Variants in PHTF2 observed in about 807,000 individuals in gnomAD.
The protein encoded by PHTF2 is putative homeodomain transcription factor 2, also known as protein PHTF2.
In PHTF2, 60 loss-of-function variants were observed where a neutral mutation model predicts 101.2. The observed-to-expected ratio is 0.59, with a 90% CI of 0.48 to 0.73. PHTF2 has a LOEUF of 0.73. PHTF2 is among the 30% of genes least tolerant of loss of function. The pLI is 0.00. For synonymous variants in PHTF2, 311 were observed against 307.3 expected (o/e 1.01, Z -0.13); for missense variants, 747 against 908.7 (o/e 0.82, Z 2.29).
intron 2 of PHTF2, among the ~76,000 whole-genome samples, chr7:77,841,082 T>TTTTTTTTTG (rs1795839385): frequency 7.4e-6 from 1 of 135,310 alleles, no homozygotes; most frequent in South Asian, 2.4e-4. Context: ...AGACTTTTTT[T>TTTTTTTTTG]TTTTTTTTTT....
intron 8 of PHTF2, chr7:77,909,403 C>G (rs1463721999): frequency 6.6e-6 from 1 of 152,490 alleles, no homozygotes. Context: ...CAGGGTCTCA[C>G]TGTCTCCGTC....
exon 20 of PHTF2, chr7:77,956,243 C>G (rs1806984203): frequency 6.6e-6 from 1 of 152,330 alleles, no homozygotes; most frequent in Non-Finnish European, 1.5e-5. Flanking sequence ...GTGGAATATC[C>G]TCATATTTTT....
At chr7:77,818,078 C>T (rs1007816824) in intron 1 of PHTF2, among the ~76,000 whole-genome samples, 2 of 148,802 alleles carry the variant, frequency 1.3e-5, no homozygotes, top group Non-Finnish European at 3.0e-5. Flanking sequence ...CTACTGTACT[C>T]TAGTCTGGGC....
chr7:77,919,043 C>T (rs1362497669), intron 9 of PHTF2, among the ~76,000 whole-genome samples: 1 of 152,108 alleles, frequency 6.6e-6, no homozygotes, highest in Non-Finnish European at 1.5e-5. Context: ...GGCAGTTTCC[C>T]AGAGAGTAGG....
intron 1 of PHTF2, among the ~76,000 whole-genome samples, chr7:77,810,538 C>T (rs1315194032): frequency 6.6e-6 from 1 of 152,076 alleles, no homozygotes; most frequent in Non-Finnish European, 1.5e-5. Context: ...AGTGACCTCC[C>T]ATTTTTTTTC....
At chr7:77,911,745 A>G (rs1802418843) in intron 9 of PHTF2, among the ~76,000 whole-genome samples, 1 of 152,222 alleles carries the variant, frequency 6.6e-6, no homozygotes, top group East Asian at 1.9e-4. Flanking sequence ...GCATTAAGTG[A>G]AAATCCTTTC....
At chr7:77,894,798 T>C (rs181916772) in intron 5 of PHTF2, among the ~76,000 whole-genome samples, 11 of 152,158 alleles carry the variant, frequency 7.2e-5, no homozygotes, top group Admixed American at 3.9e-4. Flanking sequence ...AAGGAAGACA[T>C]TTCAGACAGA....
At chr7:77,910,448 G>A in intron 9 of PHTF2, 39 bp downstream of exon 8, 1 of 1,443,468 alleles carries the variant, frequency 6.9e-7, no homozygotes. Flanking sequence ...CATAGAGATG[G>A]CACTATCCTT....
At chr7:77,943,163 G>A (rs950748733) in intron 16 of PHTF2, among the ~76,000 whole-genome samples, 6 of 151,838 alleles carry the variant, frequency 4.0e-5, no homozygotes, top group Non-Finnish European at 7.4e-5. Context: ...GCTCTGTCGC[G>A]CAGGCGGAGT....
At chr7:77,895,192 T>C (rs944516328) in intron 5 of PHTF2, 5 of 455,932 alleles carry the variant, frequency 1.1e-5, no homozygotes, top group Non-Finnish European at 2.2e-5. Flanking sequence ...TGAATATGTA[T>C]AGGTATGTGT....
intron 1 of PHTF2, among the ~76,000 whole-genome samples, chr7:77,826,926 G>A (rs1268680278): frequency 6.6e-6 from 1 of 152,218 alleles, no homozygotes; most frequent in Non-Finnish European, 1.5e-5. Flanking sequence ...ATTAAATAGT[G>A]ATGACTTCAG....
Position 77,923,108 on chromosome 7 carries a change from A to G in PHTF2, c.1119+330A>G, listed in dbSNP as rs1584722539. 1.8e-5 allele frequency: 18 copies of G among 1,013,124 alleles called. 1 individual carries two copies. The South Asian group carries it at 5.8e-4, about 33-fold the overall frequency. 62.8% of individuals were successfully genotyped at this position (1,013,124 alleles called of 1,614,324 possible). A position where few individuals can be genotyped will look rare whatever the true frequency, so the allele number is the denominator to read the frequency against. Reference sequence around the variant, plus strand: ...TTTTCCACAATTTGAAAGGCTTTATACATTTGATCATAGCAAAGTTATTTT... The same window carrying G: ...TTTTCCACAATTTGAAAGGCTTTATGCATTTGATCATAGCAAAGTTATTTT... On this transcript the variant is annotated intron_variant, in intron 11 of 19. Coordinates refer to ENST00000416283, the Ensembl canonical transcript of PHTF2.
chr7:77,879,328 C>A (rs1399961804), intron 3 of PHTF2, among the ~76,000 whole-genome samples: 4 of 152,120 alleles, frequency 2.6e-5, no homozygotes, highest in Non-Finnish European at 5.9e-5. Context: ...GGGGAGGAGT[C>A]AGATGAGATG....
chr7:77,895,226 A>G (rs1800775631), intron 5 of PHTF2: 2 of 445,476 alleles, frequency 4.5e-6, no homozygotes, highest in Admixed American at 2.5e-5. Flanking sequence ...ATACATACAT[A>G]TATAAAACAT....
At chr7:77,910,366 A>G in exon 9 of PHTF2, 1 of 1,613,796 alleles carries the variant, frequency 6.2e-7, no homozygotes, top group Non-Finnish European at 8.5e-7. Flanking sequence ...CAGCGTTGGC[A>G]CTGTCTTCAG....
chr7:77,856,228 A>G (rs1183190645), intron 3 of PHTF2, among the ~76,000 whole-genome samples: 2 of 152,212 alleles, frequency 1.3e-5, no homozygotes, highest in Non-Finnish European at 2.9e-5. Flanking sequence ...AAATAAAAAT[A>G]AATGTTTAAG....
intron 9 of PHTF2, among the ~76,000 whole-genome samples, chr7:77,919,241 A>G (rs1211521326): frequency 6.6e-6 from 1 of 152,172 alleles, no homozygotes; most frequent in Non-Finnish European, 1.5e-5. Flanking sequence ...TAAAATACAG[A>G]TTCCAATAGA....
intron 13 of PHTF2, among the ~76,000 whole-genome samples, chr7:77,938,427 T>C (rs969374853): frequency 6.6e-6 from 1 of 152,216 alleles, no homozygotes; most frequent in Admixed American, 6.5e-5. Flanking sequence ...AGATAATTAC[T>C]GATTTTTAAA....
intron 11 of PHTF2, 65 bp downstream of exon 10, chr7:77,922,843 C>A (rs1470892074): frequency 7.8e-7 from 1 of 1,286,608 alleles, no homozygotes; most frequent in Non-Finnish European, 1.1e-6. Context: ...TTTATAACTT[C>A]TTTCAACAAT....
Sources: allele counts gnomAD v4.1 joint callset (sites outside exome capture counted in the v4.1 genomes callset), GRCh38; gene constraint gnomAD v4.1.1; transcripts MANE v1.5; gene names NCBI Gene and HGNC (gene_info 2026-07-23, HGNC 2026-07-21).